Variants in POU2AF2 observed in about 807,000 individuals in gnomAD.
POU2AF2 encodes POU class 2 homeobox associating factor 2, also known as POU domain class 2-associating factor 2.
chr11:111,261,147 A>T, the POU2AF2 span, among the ~76,000 whole-genome samples: 1 of 152,084 alleles, frequency 6.6e-6, no homozygotes, highest in Non-Finnish European at 1.5e-5. Context: ...TCTATTTTTA[A>T]ATAATGGTTT....
At chr11:111,253,079 A>T in the POU2AF2 span, among the ~76,000 whole-genome samples, 5 of 152,064 alleles carry the variant, frequency 3.3e-5, no homozygotes, top group African/African-American at 9.7e-5. Context: ...CCAGAATTCT[A>T]GGATGCTTTA....
the POU2AF2 span, among the ~76,000 whole-genome samples, chr11:111,260,455 T>G: frequency 6.6e-6 from 1 of 152,176 alleles, no homozygotes; most frequent in African/African-American, 2.4e-5. Context: ...TACCTGGCAT[T>G]ATTTAGGTGA....
the POU2AF2 span, among the ~76,000 whole-genome samples, chr11:111,280,885 G>C: frequency 6.6e-6 from 1 of 152,152 alleles, no homozygotes; most frequent in South Asian, 2.1e-4. Flanking sequence ...TGCGAGTTTT[G>C]CTGTTGCACC....
the POU2AF2 span, among the ~76,000 whole-genome samples, chr11:111,260,303 A>G: frequency 8.5e-5 from 13 of 152,256 alleles, no homozygotes; most frequent in East Asian, 2.5e-3. Flanking sequence ...AGGCCCTACC[A>G]TGTGGTTTAC....
the POU2AF2 span, among the ~76,000 whole-genome samples, chr11:111,254,825 T>C: frequency 2.6e-5 from 4 of 152,336 alleles, no homozygotes; most frequent in African/African-American, 7.2e-5. Context: ...ACACTGATGC[T>C]GAATTCTGTA....
At chr11:111,251,047 C>A in the POU2AF2 span, among the ~76,000 whole-genome samples, 1 of 152,064 alleles carries the variant, frequency 6.6e-6, no homozygotes, top group African/African-American at 2.4e-5. Flanking sequence ...ATTGAACTTG[C>A]GTTTTCAAAG....
chr11:111,275,758 A>G, the POU2AF2 span, among the ~76,000 whole-genome samples: 9 of 152,238 alleles, frequency 5.9e-5, no homozygotes, highest in Non-Finnish European at 1.0e-4. Context: ...CACTTAATAC[A>G]TAATGAGCAC....
the POU2AF2 span, chr11:111,281,560 T>C: frequency 2.8e-6 from 3 of 1,080,332 alleles, no homozygotes; most frequent in South Asian, 2.8e-5. Flanking sequence ...TAAAATAGTT[T>C]TGTCTAAAAT....
At chr11:111,283,777 T>C in the POU2AF2 span, among the ~76,000 whole-genome samples, 1 of 152,212 alleles carries the variant, frequency 6.6e-6, no homozygotes, top group African/African-American at 2.4e-5. Flanking sequence ...ATTTCATTTA[T>C]GTCTTCCTAG....
the POU2AF2 span, among the ~76,000 whole-genome samples, chr11:111,260,402 G>C: frequency 6.6e-6 from 1 of 152,228 alleles, no homozygotes; most frequent in South Asian, 2.1e-4. Context: ...TGCTTTATAC[G>C]GCAGAATTTG....
chr11:111,256,720 T>C, the POU2AF2 span, among the ~76,000 whole-genome samples: 5 of 152,246 alleles, frequency 3.3e-5, no homozygotes, highest in Non-Finnish European at 7.3e-5. Context: ...TCTGTGATCT[T>C]ACTGGCTGGC....
the POU2AF2 span, among the ~76,000 whole-genome samples, chr11:111,249,276 C>G: frequency 6.6e-6 from 1 of 151,946 alleles, no homozygotes; most frequent in South Asian, 2.1e-4. Context: ...GAGTAGGAAT[C>G]CTGGTAAAAT....
At chr11:111,256,362 T>C in the POU2AF2 span, among the ~76,000 whole-genome samples, 1 of 152,226 alleles carries the variant, frequency 6.6e-6, no homozygotes, top group Non-Finnish European at 1.5e-5. Flanking sequence ...AGAGTTTTCA[T>C]GCCCTTTTTG....
the POU2AF2 span, among the ~76,000 whole-genome samples, chr11:111,265,949 C>G: frequency 6.6e-6 from 1 of 151,908 alleles, no homozygotes; most frequent in East Asian, 1.9e-4. Flanking sequence ...TTCTTCCAGT[C>G]GAGATGGCTA....
chr11:111,259,539 C>T, the POU2AF2 span, among the ~76,000 whole-genome samples: 1 of 152,162 alleles, frequency 6.6e-6, no homozygotes, highest in Non-Finnish European at 1.5e-5. Context: ...TGGTCTTGAA[C>T]TCCTGACCTC....
the POU2AF2 span, among the ~76,000 whole-genome samples, chr11:111,283,694 A>G: frequency 1.3e-5 from 2 of 152,104 alleles, no homozygotes; most frequent in African/African-American, 4.8e-5. Flanking sequence ...TAACAGTTCT[A>G]TGTATATGGA....
the POU2AF2 span, among the ~76,000 whole-genome samples, chr11:111,261,092 C>A: frequency 1.7e-4 from 26 of 152,342 alleles, no homozygotes; most frequent in Non-Finnish European, 2.2e-4. Context: ...CACTTCTATA[C>A]ATTTTAGCTA....
At chr11:111,276,452 AAATATATATATAT>A in the POU2AF2 span, among the ~76,000 whole-genome samples, 56 of 35,626 alleles carry the variant, frequency 1.6e-3, 1 homozygote, top group East Asian at 0.011. Flanking sequence ...AAAAAAAAAA[AAATATATATATAT>A]ATATATATAT....
chr11:111,247,187 C>CAGAGAGAGAGAG, the POU2AF2 span, among the ~76,000 whole-genome samples: 1 of 45,070 alleles, frequency 2.2e-5, no homozygotes, highest in Non-Finnish European at 5.2e-5. Flanking sequence ...CACATACACA[C>CAGAGAGAGAGAG]ACACAGAGAG....
Sources: allele counts gnomAD v4.1 joint callset (sites outside exome capture counted in the v4.1 genomes callset), GRCh38; gene constraint gnomAD v4.1.1; transcripts MANE v1.5; gene names NCBI Gene and HGNC (gene_info 2026-07-23, HGNC 2026-07-21).